Variants in MVD observed in about 807,000 individuals in gnomAD.
The protein encoded by MVD is diphosphomevalonate decarboxylase.
Under a neutral mutation model 42.4 loss-of-function variants are expected in MVD, and 52 were observed. That is an observed-to-expected ratio of 1.23 (90% CI 0.98 to 1.55). MVD has a LOEUF of 1.55. MVD is among the 40% of genes most tolerant of loss of function. The pLI, the probability that MVD is intolerant of heterozygous loss-of-function variation, is 0.00. For missense variants in MVD, 663 were observed against 572.1 expected (o/e 1.16, Z -1.62); for synonymous variants, 287 against 243.2 (o/e 1.18, Z -1.68).
intron 1 of MVD, chr16:88,660,931 A>T (rs1412652825): frequency 7.5e-6 from 1 of 134,072 alleles, no homozygotes. Context: ...GCTTGAACCC[A>T]GGAGGCGGAG....
At chr16:88,657,825 T>A in intron 3 of MVD, 90 bp downstream of exon 3, 1 of 1,407,248 alleles carries the variant, frequency 7.1e-7, no homozygotes, top group Non-Finnish European at 9.9e-7. Flanking sequence ...GCCTGCTGCC[T>A]CAGGAGGGGC....
chr16:88,659,609 T>C (rs1409815425), intron 1 of MVD, among the ~76,000 whole-genome samples: 1 of 152,118 alleles, frequency 6.6e-6, no homozygotes, highest in Non-Finnish European at 1.5e-5. Flanking sequence ...CTGCAGAAGC[T>C]GGAACTGCCA....
chr16:88,657,257 G>A, intron 4 of MVD, 179 bp downstream of exon 4: 1 of 915,024 alleles, frequency 1.1e-6, no homozygotes, highest in Non-Finnish European at 1.7e-6. Flanking sequence ...ACTGGAAGAT[G>A]AAAATGTTCA....
chr16:88,659,277 G>C (rs1224189760), intron 1 of MVD: 1 of 171,976 alleles, frequency 5.8e-6, no homozygotes, highest in Non-Finnish European at 1.3e-5. Context: ...TTTTGTGCGA[G>C]GGGAGGTCTC....
At chr16:88,654,922 G>T in intron 7 of MVD, 115 bp from the exon 8 acceptor site, 1 of 1,052,986 alleles carries the variant, frequency 9.5e-7, no homozygotes, top group South Asian at 1.7e-5. Flanking sequence ...TAGGCCCTCA[G>T]GGCCACACTG....
intron 7 of MVD, 83 bp from the exon 8 acceptor site, chr16:88,654,890 T>A: frequency 7.4e-7 from 1 of 1,353,902 alleles, no homozygotes. Flanking sequence ...CAGGCGGCCT[T>A]GGGCTCTCCA....
In MVD at chr16:88,658,709, C is replaced by T. The variant is rs776801976; in HGVS notation, c.82G>A (p.Asp28Asn). 5.4e-5 allele frequency: 87 copies of T among 1,612,388 alleles called. 1 individual carries two copies. Among genetic ancestry groups the T allele is most frequent in the Non-Finnish European group, 6.9e-5 (81 of 1,179,414 alleles). Residue 28 changes from aspartate to asparagine, a missense_variant, in exon 2 of 10, where the codon GAT (aspartate) becomes AAT (asparagine). Asp to Asn is a conservative substitution (Grantham distance 23). Coordinates refer to ENST00000301012, the MANE Select transcript of MVD (RefSeq NM_002461.3). Reference sequence around the variant, plus strand: ...TTGATGGGCAGAACCAGCTCTTCATCGCGCTTGCCCCCTGTAATGAACAGC... The same window carrying T: ...TTGATGGGCAGAACCAGCTCTTCATTGCGCTTGCCCCCTGTAATGAACAGC... ...IAVIKYWGKR[D>N]EELVLPINSS...
intron 8 of MVD, among the ~76,000 whole-genome samples, chr16:88,653,777 C>G (rs1231840968): frequency 6.6e-6 from 1 of 152,094 alleles, no homozygotes; most frequent in Non-Finnish European, 1.5e-5. Context: ...GCGCCCAATT[C>G]AAGCTGGTGC....
At chr16:88,654,592 C>T (rs1423044659) in intron 8 of MVD, 100 bp downstream of exon 8, 2 of 1,223,272 alleles carry the variant, frequency 1.6e-6, no homozygotes, top group Non-Finnish European at 2.2e-6. Flanking sequence ...CCCTGGGACT[C>T]CCTGTCTCAG....
In MVD at chr16:88,658,622, T is replaced by C. The variant is rs556740307; in HGVS notation, c.141+28A>G. On this transcript the variant is annotated intron_variant, in intron 2 of 9. Transcript: ENST00000301012. ...TACAAATGTTCTGGAAATGGCACTG[T>C]GGTGTTTAGTCGTCAGTCCACACAT... 151 of 1,605,752 alleles carry C rather than the reference T, an allele frequency of 9.4e-5. 4 individuals are homozygous for C. In the South Asian group the frequency reaches 1.6e-3, roughly 17 times the overall value.
chr16:88,652,902 G>A (rs1383453572), intron 9 of MVD, among the ~76,000 whole-genome samples: 13 of 152,292 alleles, frequency 8.5e-5, no homozygotes, highest in East Asian at 5.8e-4. Context: ...TGGCTTGGGC[G>A]GCCGTGATCA....
In MVD at chr16:88,656,131, G is replaced by C. The variant is rs2142899172; in HGVS notation, c.577C>G (p.Pro193Ala). ...ACAAGGATGAGCACGCGGAGTTCAG[G>C]CCAGTGTGACTCGGGGGCCACTTGC... ...ARQVAPESHWPELRVLILVVS... is the reference protein window; with the variant it reads ...ARQVAPESHWAELRVLILVVS... Residue 193 changes from proline to alanine, a missense_variant, in exon 5 of 10, where the codon CCT (proline) becomes GCT (alanine). Transcript: ENST00000301012. 1 of 1,601,848 alleles carries C rather than the reference G, an allele frequency of 6.2e-7. No individual in the cohort carries two copies. The highest frequency in any genetic ancestry group is 2.2e-5 in the East Asian group (1 of 44,878).
Position 88,662,928 on chromosome 16 carries a change from G to A in MVD, c.70+83C>T, listed in dbSNP as rs556272626. The A allele has an allele frequency of 3.2e-5, 50 of 1,541,868 alleles. 1 individual carries two copies. Among genetic ancestry groups the A allele is most frequent in the South Asian group, 1.4e-4 (12 of 83,712 alleles). Reference sequence around the variant, plus strand: ...AGGCCCTGGGAGGGCAGGACGGAGCGCGCCGCCGAATCAGCGCGCGACCCC... The same window carrying A: ...AGGCCCTGGGAGGGCAGGACGGAGCACGCCGCCGAATCAGCGCGCGACCCC... On this transcript the variant is annotated intron_variant, in intron 1 of 9. Coordinates refer to ENST00000301012, the MANE Select transcript of MVD (RefSeq NM_002461.3).
intron 1 of MVD, 152 bp downstream of exon 1, chr16:88,662,859 C>G (rs1005823351): frequency 1.4e-6 from 2 of 1,436,644 alleles, no homozygotes; most frequent in Non-Finnish European, 1.8e-6. Context: ...CCCCGCCCGA[C>G]CACCGCCGCG....
intron 8 of MVD, among the ~76,000 whole-genome samples, chr16:88,654,489 C>T (rs893479686): frequency 2.0e-5 from 3 of 152,206 alleles, no homozygotes; most frequent in East Asian, 1.9e-4. Context: ...CACGCGTGAG[C>T]GGCCTCTCTT....
chr16:88,652,189 G>A lies in MVD; in HGVS notation c.*336C>T, dbSNP rs1224173859. ...GCTGGAGGGACCACCTCCCCACTGA[G>A]CTCCTTTCTCAGAGAACTGGGCATA... On this transcript the variant is annotated 3_prime_UTR_variant, in exon 10 of 10. Transcript: ENST00000301012. 1 of 443,704 alleles carries A rather than the reference G, an allele frequency of 2.3e-6. No individual in the cohort carries two copies. The highest frequency in any genetic ancestry group is 4.2e-6 in the Non-Finnish European group (1 of 239,764). The allele number at this position is 443,704 out of a possible 1,614,324, so 27.5% of individuals were successfully genotyped here.
In MVD at chr16:88,653,384, C is replaced by A. The variant is rs1334722784; in HGVS notation, c.1038G>T (p.Arg346Ser). The change falls in exon 9 of 10, where the codon AGG (arginine) becomes AGT (serine). Residue 346 changes from arginine to serine, a missense_variant. Physicochemically the swap from Arg to Ser is moderately radical, Grantham distance 110 (BLOSUM62 -1). Transcript: ENST00000301012. ...GDTFLKGLQV[R>S]PAPLSAELQA... ...GAAGCTCAGCTGAGAGAGGGGCCGG[C>A]CTCACCTGCAGCCCCTTCAGAAACC... 1 of 1,603,048 alleles carries A rather than the reference C, an allele frequency of 6.2e-7. No homozygotes were observed. The highest frequency in any genetic ancestry group is 8.5e-7 in the Non-Finnish European group (1 of 1,177,188).
chr16:88,655,526 T>C lies in MVD; in HGVS notation c.679-109A>G, dbSNP rs536169212. ...CCGGCTCGAGCCCCATCTCTGCATT[T>C]GGCTCCTGCACGTGGTCTTGGCGGG... On this transcript the variant is annotated intron_variant, in intron 6 of 9. Coordinates refer to ENST00000301012, the MANE Select transcript of MVD (RefSeq NM_002461.3). The C allele has an allele frequency of 2.0e-6, 3 of 1,502,972 alleles. No individual in the cohort carries two copies. The African/African-American group carries it at 4.2e-5, about 21-fold the overall frequency. 93.1% of individuals were successfully genotyped at this position (1,502,972 alleles called of 1,614,324 possible).
rs1015248887 is a variant in MVD at position 88,655,193 on chromosome 16, C to T, written c.897+6G>A. ...GCGCAGCCTCTGCCCTCCCGGCCCG[C>T]GTCACCTTGGTGTCCCCGTGGTGGG... On this transcript the variant is annotated splice_donor_region_variant and intron_variant, in intron 7 of 9. Transcript: ENST00000301012. The T allele has an allele frequency of 2.2e-5, 34 of 1,555,140 alleles. No individual in the cohort carries two copies. Among genetic ancestry groups the T allele is most frequent in the Admixed American group, 5.8e-5 (3 of 51,336 alleles).
Sources: allele counts gnomAD v4.1 joint callset (sites outside exome capture counted in the v4.1 genomes callset), GRCh38; gene constraint gnomAD v4.1.1; transcripts MANE v1.5; gene names NCBI Gene and HGNC (gene_info 2026-07-23, HGNC 2026-07-21).